The following MYO10 variants were observed in gnomAD, a reference collection of about 807,000 sequenced individuals.
The protein encoded by MYO10 is myosin X, also known as unconventional myosin-X.
A neutral mutation model predicts 257.3 loss-of-function variants in MYO10; 133 were observed. The observed-to-expected ratio is 0.52, with a 90% CI of 0.45 to 0.60. MYO10 has a LOEUF of 0.60. Among genes scored for constraint, MYO10 ranks in the 20% least tolerant of loss-of-function variants. The pLI is 0.00. For missense variants in MYO10, 2,399 were observed against 2,635.7 expected (o/e 0.91, Z 1.97); for synonymous variants, 1,104 against 1,028.6 (o/e 1.07, Z -1.40).
intron 1 of MYO10, among the ~76,000 whole-genome samples, chr5:16,930,698 C>A (rs531862145): frequency 1.3e-5 from 2 of 152,180 alleles, no homozygotes; most frequent in African/African-American, 4.8e-5. Flanking sequence ...CTCTCAAATT[C>A]GGCTGATAAC....
Position 16,725,039 on chromosome 5 carries a change from T to C in MYO10, c.1930-13794A>G, listed in dbSNP as rs145672713. 9.2e-4 allele frequency among the ~76,000 whole-genome samples: 139 copies of C among 151,560 alleles called. 1 individual carries two copies. Among genetic ancestry groups the C allele is most frequent in the African/African-American group, 3.2e-3 (132 of 41,442 alleles). On this transcript the variant is annotated intron_variant, in intron 19 of 40. Transcript: ENST00000513610. ...TTACCTAACAGAATCTTAGAGACAG[T>C]TAACCTGTCAGGATATACAGTTCTC...
rs977598783 is a variant in MYO10 at position 16,865,459 on chromosome 5, T to C, written c.120+12150A>G. Among the ~76,000 whole-genome samples, 13 of 152,186 alleles carry C rather than the reference T, an allele frequency of 8.5e-5. 1 individual carries two copies. The highest frequency in any genetic ancestry group is 2.2e-4 in the African/African-American group (9 of 41,440). On this transcript the variant is annotated intron_variant, in intron 2 of 40. Coordinates refer to ENST00000513610, the MANE Select transcript of MYO10 (RefSeq NM_012334.3). The stretch of plus-strand genomic sequence containing the variant: ...ACGTTGTCTATTTCTTAAGAAAAGA[T>C]ACAAACCATACTTTCGAATGTGCTA...
chr5:16,901,788 T>C (rs1385605413), intron 1 of MYO10, among the ~76,000 whole-genome samples: 1 of 152,170 alleles, frequency 6.6e-6, no homozygotes, highest in Non-Finnish European at 1.5e-5. Flanking sequence ...GAGCGGCCTG[T>C]CGTTTTCTAG....
At chr5:16,900,646 C>G (rs1019544582) in intron 1 of MYO10, among the ~76,000 whole-genome samples, 1 of 152,018 alleles carries the variant, frequency 6.6e-6, no homozygotes, top group African/African-American at 2.4e-5. Flanking sequence ...AGGTCCAATT[C>G]CTCTCCCTAG....
chr5:16,740,800 A>G (rs903537959), intron 19 of MYO10, among the ~76,000 whole-genome samples: 8 of 151,756 alleles, frequency 5.3e-5, no homozygotes, highest in African/African-American at 1.9e-4. Flanking sequence ...AATATGTGGC[A>G]TTTTCCCATA....
chr5:16,839,462 A>G (rs1363754907), intron 2 of MYO10, among the ~76,000 whole-genome samples: 1 of 152,186 alleles, frequency 6.6e-6, no homozygotes, highest in Admixed American at 6.5e-5. Flanking sequence ...GGGACACACA[A>G]GCCAGGTGCA....
intron 2 of MYO10, among the ~76,000 whole-genome samples, chr5:16,837,517 G>A (rs966400859): frequency 2.0e-5 from 3 of 152,090 alleles, no homozygotes; most frequent in Non-Finnish European, 4.4e-5. Context: ...GTTTTCTTTC[G>A]GGGTGATGAA....
intron 21 of MYO10, among the ~76,000 whole-genome samples, chr5:16,708,873 T>C (rs1738467167): frequency 6.6e-6 from 1 of 152,220 alleles, no homozygotes; most frequent in Non-Finnish European, 1.5e-5. Context: ...TGCAATTTCT[T>C]TTTGATTAAA....
In MYO10 at chr5:16,917,630, G is replaced by A. The variant is rs577483266; in HGVS notation, c.21+18158C>T. The stretch of plus-strand genomic sequence containing the variant: ...GCACTTTGGGAGGCTGAGAGGGGAG[G>A]AGAGGATCACTGGAACCCAGAAGCT... On this transcript the variant is annotated intron_variant, in intron 1 of 40. Transcript: ENST00000513610. Among the ~76,000 whole-genome samples, 59 of 151,368 alleles carry A rather than the reference G, an allele frequency of 3.9e-4. 1 individual carries two copies. Among genetic ancestry groups the A allele is most frequent in the Non-Finnish European group, 8.0e-4 (54 of 67,898 alleles).
At chr5:16,739,798 T>A (rs1182606244) in intron 19 of MYO10, among the ~76,000 whole-genome samples, 2 of 152,176 alleles carry the variant, frequency 1.3e-5, no homozygotes, top group African/African-American at 4.8e-5. Context: ...GAGGGTTGTC[T>A]CTGGCTGGTA....
At chr5:16,750,609 C>A (rs73755197) in intron 19 of MYO10, among the ~76,000 whole-genome samples, 1 of 152,164 alleles carries the variant, frequency 6.6e-6, no homozygotes, top group African/African-American at 2.4e-5. Context: ...AAAGCAGCTA[C>A]AGGTGTTTCT....
chr5:16,790,127 G>C (rs1192515698), intron 4 of MYO10, among the ~76,000 whole-genome samples: 2 of 151,768 alleles, frequency 1.3e-5, no homozygotes, highest in Non-Finnish European at 2.9e-5. Flanking sequence ...TGTATTTCTA[G>C]AAATAGAAAA....
At chr5:16,736,048 G>T (rs539636910) in intron 19 of MYO10, among the ~76,000 whole-genome samples, 1 of 152,008 alleles carries the variant, frequency 6.6e-6, no homozygotes, top group Non-Finnish European at 1.5e-5. Context: ...TCAGATACGC[G>T]ACTACACATT....
chr5:16,701,787 T>C lies in MYO10; in HGVS notation c.2608A>G (p.Lys870Glu). ...QELEALQKSQKEAELTRELEK... is the reference protein window; with the variant it reads ...QELEALQKSQEEAELTRELEK... ...AGTTCACGGGTCAGTTCAGCTTCCTTCTGGCTCTTCTGCAAGGCTTCGAGT... is the reference window on the plus strand; with the variant it reads ...AGTTCACGGGTCAGTTCAGCTTCCTCCTGGCTCTTCTGCAAGGCTTCGAGT... Residue 870 changes from lysine to glutamate, a missense_variant, in exon 25 of 41, where the codon AAG (lysine) becomes GAG (glutamate). By Grantham distance (56) the Lys-to-Glu change is moderately conservative. Coordinates refer to ENST00000513610, the MANE Select transcript of MYO10 (RefSeq NM_012334.3). This position sits in a 1 kb window ranked among gnomAD's most constrained non-coding sequence, Gnocchi z 8.1. 1 of 1,612,958 alleles carries C rather than the reference T, an allele frequency of 6.2e-7. No individual in the cohort carries two copies.
chr5:16,870,002 A>G (rs1042779880), intron 2 of MYO10, among the ~76,000 whole-genome samples: 4 of 151,410 alleles, frequency 2.6e-5, no homozygotes, highest in Non-Finnish European at 4.4e-5. Context: ...ATCTCACACG[A>G]AACAATACAC....
At position 16,701,472 on chromosome 5, in the gene MYO10, C is replaced by A; in HGVS notation, c.2923G>T (p.Ala975Ser). Reference protein sequence around the residue: ...SEFSSELAESACEEKPNFNFS... With the variant: ...SEFSSELAESSCEEKPNFNFS... The stretch of plus-strand genomic sequence containing the variant: ...TTGAAGTTGGGCTTCTCCTCGCATG[C>A]GCTCTCAGCCAGCTCGCTGGAAAAT... Residue 975 changes from alanine to serine, a missense_variant, in exon 25 of 41, where the codon GCA becomes TCA. Coordinates refer to ENST00000513610, the MANE Select transcript of MYO10 (RefSeq NM_012334.3). The surrounding 1 kb of genome is among the most constrained non-coding windows in gnomAD (Gnocchi z 8.1). 1 of 1,613,954 alleles carries A rather than the reference C, an allele frequency of 6.2e-7. No homozygotes were observed. Among genetic ancestry groups the A allele is most frequent in the Non-Finnish European group, 8.5e-7 (1 of 1,179,888 alleles).
intron 1 of MYO10, among the ~76,000 whole-genome samples, chr5:16,926,592 C>A (rs138418787): frequency 6.6e-6 from 1 of 151,902 alleles, no homozygotes; most frequent in Non-Finnish European, 1.5e-5. Context: ...ATCCCAGCTA[C>A]GTGGGAGGCT....
At chr5:16,694,322 C>T in intron 27 of MYO10, 49 bp downstream of exon 27, 1 of 1,610,472 alleles carries the variant, frequency 6.2e-7, no homozygotes, top group Non-Finnish European at 8.5e-7. Flanking sequence ...TGACCACCAG[C>T]ATAAACCATG....
intron 1 of MYO10, among the ~76,000 whole-genome samples, chr5:16,927,443 T>C (rs2562366): frequency 6.6e-6 from 1 of 151,818 alleles, no homozygotes; most frequent in Non-Finnish European, 1.5e-5. Context: ...TCCTGCCTCA[T>C]CCTCCCGAGT....
Sources: allele counts gnomAD v4.1 joint callset (sites outside exome capture counted in the v4.1 genomes callset), GRCh38; gene constraint gnomAD v4.1.1; non-coding constraint Gnocchi (gnomAD v3.1); transcripts MANE v1.5; gene names NCBI Gene and HGNC (gene_info 2026-07-23, HGNC 2026-07-21).